The following DNAJC13 variants were observed in gnomAD, a reference collection of about 807,000 sequenced individuals.
DNAJC13 encodes the protein DnaJ heat shock protein family (Hsp40) member C13.
Under a neutral mutation model 290.5 loss-of-function variants are expected in DNAJC13, and 75 were observed. That is an observed-to-expected ratio of 0.26 (90% CI 0.21 to 0.31). The LOEUF (loss-of-function observed/expected upper bound fraction) is 0.31, where lower values mean the gene tolerates loss of function less well. Among genes scored for constraint, DNAJC13 ranks in the 10% least tolerant of loss-of-function variants. The probability of loss-of-function intolerance (pLI) is 1.00; values close to 1 mark genes in which losing one functional copy is unlikely to be tolerated. For synonymous variants in DNAJC13, 862 were observed against 892.0 expected (o/e 0.97, Z 0.60); for missense variants, 2,260 against 2,674.5 (o/e 0.85, Z 3.42).
intron 38 of DNAJC13, 30 bp from the exon 39 acceptor site, chr3:132,500,764 G>A (rs772912289): frequency 1.2e-6 from 2 of 1,611,566 alleles, no homozygotes; most frequent in East Asian, 4.5e-5. Flanking sequence ...TGACTCTACT[G>A]GTTTTTTTGC....
Position 132,473,005 on chromosome 3 carries a change from T to C in DNAJC13, c.2209-140T>C, listed in dbSNP as rs190454740. ...TGTATTTATATTCATGTTTTATAGA[T>C]TTTATTTATTCCGTTAATTTTTGTT... is the stretch of plus-strand genomic sequence containing the variant. On this transcript the variant is annotated intron_variant, in intron 20 of 55. Transcript: ENST00000260818. 10 of 636,228 alleles carry C rather than the reference T, an allele frequency of 1.6e-5. No homozygotes were observed. The Admixed American group carries it at 1.6e-4, about 10-fold the overall frequency. 39.4% of individuals were successfully genotyped at this position (636,228 alleles called of 1,614,324 possible).
At chr3:132,439,925 C>T (rs141267016) in intron 2 of DNAJC13, among the ~76,000 whole-genome samples, 1,923 of 152,248 alleles carry the variant, frequency 0.013, 21 homozygotes, top group Non-Finnish European at 0.019. Context: ...GATCAGTTTG[C>T]CCATTAATTT....
chr3:132,511,676 A>G (rs1935782785), intron 44 of DNAJC13, among the ~76,000 whole-genome samples: 4 of 152,164 alleles, frequency 2.6e-5, no homozygotes, highest in Non-Finnish European at 5.9e-5. Context: ...TTTTTGGTGT[A>G]TAAAAATTGA....
At chr3:132,537,221 G>T (rs919499328) in intron 55 of DNAJC13, 1 of 456,268 alleles carries the variant, frequency 2.2e-6, no homozygotes, top group Non-Finnish European at 4.4e-6. Context: ...CTTTAGATCC[G>T]CTCTGCCAGG....
At chr3:132,530,664 AT>A (rs1936389606) in intron 54 of DNAJC13, among the ~76,000 whole-genome samples, 2 of 152,218 alleles carry the variant, frequency 1.3e-5, no homozygotes, top group Non-Finnish European at 2.9e-5. Context: ...TCATCAGCCC[AT>A]ACACTGTCAG....
chr3:132,475,001 T>C lies in DNAJC13; in HGVS notation c.2361T>C (p.Thr787=), dbSNP rs755859258. The C allele has an allele frequency of 6.2e-7, 1 of 1,612,318 alleles. No homozygotes were observed. The highest frequency in any genetic ancestry group is 8.5e-7 in the Non-Finnish European group (1 of 1,179,198). ...AAACACGAGAAGAACTGAAAGATAC[T>C]CTTGAATCTGAAATGAGAGCATTTA... is the stretch of plus-strand genomic sequence containing the variant. The part of the protein sequence containing the change: ...NFKTREELKD[T]LESEMRAFNI... The change falls in exon 22 of 56, where the codon ACT becomes ACC. Residue 787 remains threonine, a synonymous_variant. Transcript: ENST00000260818.
chr3:132,511,825 G>C (rs746210283), intron 44 of DNAJC13, among the ~76,000 whole-genome samples: 2 of 152,012 alleles, frequency 1.3e-5, no homozygotes, highest in Non-Finnish European at 2.9e-5. Context: ...AATAAATATA[G>C]AACATAAACC....
intron 31 of DNAJC13, among the ~76,000 whole-genome samples, chr3:132,489,488 TA>T (rs57953440): frequency 0.13 from 18,904 of 145,330 alleles, 1,504 homozygotes; most frequent in South Asian, 0.27. Flanking sequence ...AGCTGGGAAT[TA>T]AAAAAAAAAA....
At chr3:132,451,692 C>A (rs1269255716) in intron 6 of DNAJC13, among the ~76,000 whole-genome samples, 2 of 152,108 alleles carry the variant, frequency 1.3e-5, no homozygotes, top group Non-Finnish European at 2.9e-5. Flanking sequence ...TCCGGGAATG[C>A]TCCTTCAATT....
chr3:132,427,102 T>TGC (rs1491072854), intron 1 of DNAJC13, among the ~76,000 whole-genome samples: 9 of 136,030 alleles, frequency 6.6e-5, no homozygotes, highest in Non-Finnish European at 9.4e-5. Context: ...TGTGTGTGTG[T>TGC]GCACGTGTGT....
rs577770198 is a variant in DNAJC13, at chr3:132,504,117, C to T, written c.4884+736C>T. ...TATTCCTGAATGGCATAATTATAGG[C>T]AGTTTTTCTTTTGTTTTCGCTAAGG... is the stretch of plus-strand genomic sequence containing the variant. On this transcript the variant is annotated intron_variant, in intron 41 of 55. Transcript: ENST00000260818. Among the ~76,000 whole-genome samples, 10 of 152,076 alleles carry T rather than the reference C, an allele frequency of 6.6e-5. 1 individual carries two copies. The South Asian group carries it at 2.1e-3, about 32-fold the overall frequency.
chr3:132,466,405 C>T lies in DNAJC13; in HGVS notation c.2064+11C>T, dbSNP rs551521664. 7.8e-5 allele frequency: 123 copies of T among 1,578,578 alleles called. No homozygotes were observed. In the Middle Eastern group the frequency reaches 2.2e-3, roughly 28 times the overall value. On this transcript the variant is annotated intron_variant, in intron 19 of 55. Transcript: ENST00000260818. ...GTGAAAATAGCAATGGTAAATATGACTGTCCCAAGTGTGCCTTTTTTAGGA... is the reference window on the plus strand; with the variant it reads ...GTGAAAATAGCAATGGTAAATATGATTGTCCCAAGTGTGCCTTTTTTAGGA...
intron 33 of DNAJC13, 33 bp from the exon 34 acceptor site, chr3:132,494,111 C>T: frequency 7.2e-7 from 1 of 1,393,966 alleles, no homozygotes; most frequent in Non-Finnish European, 9.9e-7. Context: ...AATAGTTTTA[C>T]TTTGATATAA....
chr3:132,499,684 C>T (rs112672975), intron 37 of DNAJC13, 50 bp from the exon 38 acceptor site: 13 of 1,545,236 alleles, frequency 8.4e-6, no homozygotes, highest in African/African-American at 4.1e-5. Flanking sequence ...AAAGGCCTTT[C>T]AGACTTGAAG....
intron 5 of DNAJC13, among the ~76,000 whole-genome samples, chr3:132,448,983 A>G (rs10512843): frequency 0.21 from 32,213 of 152,008 alleles, 3,840 homozygotes; most frequent in African/African-American, 0.33. Context: ...CATACTTAGA[A>G]TTTTTATATA....
In DNAJC13 at chr3:132,436,082, AAGTATAC is replaced by A. The variant is rs1939378114; in HGVS notation, c.68+1466_68+1472del. ...ATATACCATAAAATTCACCCTTCTAAAGTATACAATTCAGCGGATTTTAGTGTATTCA... is the reference window on the plus strand; with the variant it reads ...ATATACCATAAAATTCACCCTTCTAAAATTCAGCGGATTTTAGTGTATTCA... On this transcript the variant is annotated intron_variant, in intron 2 of 55. Transcript: ENST00000260818. Among the ~76,000 whole-genome samples, 4 of 152,162 alleles carry A rather than the reference AAGTATAC, an allele frequency of 2.6e-5. No homozygotes were observed. The South Asian group carries it at 8.3e-4, about 32-fold the overall frequency.
At chr3:132,463,862 G>A (rs752498532) in intron 17 of DNAJC13, 45 bp downstream of exon 17, 4 of 1,584,546 alleles carry the variant, frequency 2.5e-6, no homozygotes, top group Non-Finnish European at 2.6e-6. Flanking sequence ...TTCCTGTCTA[G>A]AGAATTGATT....
intron 45 of DNAJC13, among the ~76,000 whole-genome samples, chr3:132,514,235 T>C (rs1307879542): frequency 2.0e-5 from 3 of 152,118 alleles, no homozygotes; most frequent in Admixed American, 2.0e-4. Flanking sequence ...ACTGAAGACA[T>C]TTGCTTTTTT....
chr3:132,448,023 C>T, intron 5 of DNAJC13, 84 bp downstream of exon 5: 1 of 960,256 alleles, frequency 1.0e-6, no homozygotes, highest in Non-Finnish European at 1.6e-6. Context: ...TCTGTGTGTT[C>T]CATTTGTAGC....
Sources: gnomAD v4.1 joint callset for allele counts (sites outside exome capture counted in the v4.1 genomes callset) on GRCh38, gnomAD v4.1.1 for gene constraint, MANE v1.5 for transcripts, NCBI Gene and HGNC (gene_info 2026-07-23, HGNC 2026-07-21) for gene names.